ZNF487: variants seen among roughly 807,000 people sequenced by gnomAD.
The protein encoded by ZNF487 is zinc finger protein 487.
Under a neutral mutation model 3.0 loss-of-function variants are expected in ZNF487, and 4 were observed. The ratio of observed to expected loss-of-function variants is 1.35; its 90% CI spans 0.66 to 3.08. The LOEUF (loss-of-function observed/expected upper bound fraction) is 3.08. Ranked by LOEUF, ZNF487 falls within the 30% of genes most tolerant of loss-of-function variation. The pLI, the probability that ZNF487 is intolerant of heterozygous loss-of-function variation, is 0.01. For missense variants in ZNF487, 146 were observed against 98.7 expected (o/e 1.48, Z -2.03); for synonymous variants, 55 against 34.6 (o/e 1.59, Z -2.06).
chr10:43,502,153 C>A, the ZNF487 span, among the ~76,000 whole-genome samples: 1,276 of 152,250 alleles, frequency 8.4e-3, 7 homozygotes, highest in Middle Eastern at 0.024. Context: ...CAATGATAGA[C>A]TGGATTAAGA....
At chr10:43,509,653 C>T in the ZNF487 span, among the ~76,000 whole-genome samples, 7 of 151,872 alleles carry the variant, frequency 4.6e-5, 1 homozygote, top group South Asian at 8.3e-4. Context: ...AAGATGTAGG[C>T]GGGGAGGCTA....
chr10:43,485,139 T>C (rs1841461479), downstream of ZNF487, among the ~76,000 whole-genome samples: 1 of 152,342 alleles, frequency 6.6e-6, no homozygotes, highest in East Asian at 1.9e-4. Context: ...CTTCACATTT[T>C]TCCAAGATCA....
chr10:43,477,241 G>C (rs1841133670), intron 3 of ZNF487, among the ~76,000 whole-genome samples: 1 of 148,866 alleles, frequency 6.7e-6, no homozygotes, highest in Admixed American at 6.8e-5. Context: ...CAGTCTCACA[G>C]GCTAGAGTGC....
rs1218396374 is a variant in ZNF487, at chr10:43,464,370, TTTA to T, written c.-93-11339_-93-11337del. ...GCTAATTGTTTGTATTTTTATTTTATTTATTATTATTATTTTTTTTTATTGATC... is the reference window on the plus strand; with the variant it reads ...GCTAATTGTTTGTATTTTTATTTTATTTATTATTATTTTTTTTTATTGATC... On this transcript the variant is annotated intron_variant, in intron 1 of 3. Transcript: ENST00000437590. Among the ~76,000 whole-genome samples, 18 of 151,762 alleles carry T rather than the reference TTTA, an allele frequency of 1.2e-4. No individual in the cohort carries two copies. The East Asian group carries it at 1.5e-3, about 13-fold the overall frequency.
chr10:43,481,676 C>T lies in ZNF487; in HGVS notation c.378C>T (p.Asn126=). The T allele has an allele frequency of 1.4e-6, 1 of 700,820 alleles. No individual in the cohort carries two copies. The allele number at this position is 700,820 out of a possible 1,614,324, so 43.4% of individuals were successfully genotyped here. A position where few individuals can be genotyped will look rare whatever the true frequency, so the allele number is the denominator to read the frequency against. Residue 126 remains asparagine, a synonymous_variant, in exon 4 of 4, where the codon AAC becomes AAT. Transcript: ENST00000437590. ...GTAATAGAAGCTCCTTTGTAAGGAA[C>T]CCTGCTGAGTGTAATGTACGTGGGA... The part of the protein sequence containing the change: ...IISNRSSFVR[N]PAECNVRGKF...
rs767922097 is a variant in ZNF487, at chr10:43,482,660, CTA to C, written c.*740_*741del. The stretch of plus-strand genomic sequence containing the variant: ...AGAGAATACATACTGGCGAGAAACC[CTA>C]TGAGTGTAAGGAATGTGGGAAAACT... On this transcript the variant is annotated 3_prime_UTR_variant, in exon 4 of 4. Coordinates refer to ENST00000437590, the MANE Select transcript of ZNF487 (RefSeq NM_001355444.3). 2 of 490,140 alleles carry C rather than the reference CTA, an allele frequency of 4.1e-6. No homozygotes were observed. The highest frequency in any genetic ancestry group is 8.3e-6 in the Non-Finnish European group (2 of 239,750). 30.4% of individuals were successfully genotyped at this position (490,140 alleles called of 1,614,324 possible). A position where few individuals can be genotyped will look rare whatever the true frequency, so the allele number is the denominator to read the frequency against.
intron 1 of ZNF487, among the ~76,000 whole-genome samples, chr10:43,462,847 G>A (rs1014538388): frequency 6.6e-6 from 1 of 151,112 alleles, no homozygotes; most frequent in African/African-American, 2.4e-5. Flanking sequence ...TTAGCTCATT[G>A]TAACCTTGAA....
At chr10:43,458,165 T>A (rs1008068620) in intron 1 of ZNF487, 1 of 152,216 alleles carries the variant, frequency 6.6e-6, no homozygotes, top group African/African-American at 2.4e-5. Context: ...TTAGAAAGTT[T>A]ATTTTGCCAA....
chr10:43,436,895 G>C (rs556201579), upstream of ZNF487: 3 of 469,438 alleles, frequency 6.4e-6, no homozygotes. Context: ...CGCTTTCGTG[G>C]GGAAGCCGGA....
At chr10:43,466,934 T>C (rs1840727389) in intron 1 of ZNF487, among the ~76,000 whole-genome samples, 1 of 151,998 alleles carries the variant, frequency 6.6e-6, no homozygotes, top group South Asian at 2.1e-4. Flanking sequence ...AATGGCGTGA[T>C]CTTGGCTCAC....
At chr10:43,447,306 G>A (rs1354072543) in intron 1 of ZNF487, among the ~76,000 whole-genome samples, 3 of 151,806 alleles carry the variant, frequency 2.0e-5, no homozygotes, top group Admixed American at 6.6e-5. Flanking sequence ...GCAGTGGCAC[G>A]ATCTTAGCTC....
the ZNF487 span, among the ~76,000 whole-genome samples, chr10:43,494,625 G>C: frequency 6.6e-6 from 1 of 151,932 alleles, no homozygotes; most frequent in Non-Finnish European, 1.5e-5. Flanking sequence ...GTGGGTTCGA[G>C]ATATACCTTA....
chr10:43,507,421 A>G, the ZNF487 span, among the ~76,000 whole-genome samples: 1 of 152,170 alleles, frequency 6.6e-6, no homozygotes, highest in Non-Finnish European at 1.5e-5. Flanking sequence ...GGCAAGAGTA[A>G]TGGCCTTGCC....
chr10:43,520,482 G>T, the ZNF487 span, among the ~76,000 whole-genome samples: 1 of 152,168 alleles, frequency 6.6e-6, no homozygotes, highest in East Asian at 1.9e-4. Flanking sequence ...ACTAGTATGT[G>T]TCCACTGATT....
intron 1 of ZNF487, among the ~76,000 whole-genome samples, chr10:43,466,948 A>G (rs1840727615): frequency 6.6e-6 from 1 of 151,754 alleles, no homozygotes; most frequent in African/African-American, 2.4e-5. Flanking sequence ...GGCTCACTGC[A>G]ACCTCCACCT....
intron 1 of ZNF487, among the ~76,000 whole-genome samples, chr10:43,472,699 A>G (rs1047016270): frequency 5.3e-5 from 8 of 152,084 alleles, no homozygotes; most frequent in Non-Finnish European, 8.8e-5. Flanking sequence ...CCTCTTGATC[A>G]CTATGCTCCA....
intron 1 of ZNF487, among the ~76,000 whole-genome samples, chr10:43,474,504 G>A (rs1392479784): frequency 6.6e-6 from 1 of 152,128 alleles, no homozygotes; most frequent in African/African-American, 2.4e-5. Flanking sequence ...ATTTGAGGCT[G>A]TAGTGTGCAA....
chr10:43,498,099 A>ATATATATATATTTTTTT, the ZNF487 span, among the ~76,000 whole-genome samples: 1 of 20,188 alleles, frequency 5.0e-5, no homozygotes, highest in African/African-American at 3.2e-4. Flanking sequence ...ATATATATAT[A>ATATATATATATTTTTTT]TTTTTTTTTT....
At chr10:43,446,336 C>T (rs996009327) in intron 1 of ZNF487, among the ~76,000 whole-genome samples, 13 of 149,244 alleles carry the variant, frequency 8.7e-5, no homozygotes, top group African/African-American at 2.2e-4. Flanking sequence ...GGTGGCCGGG[C>T]GGAGACTCTC....
Sources: gnomAD v4.1 joint callset for allele counts (sites outside exome capture counted in the v4.1 genomes callset) on GRCh38, gnomAD v4.1.1 for gene constraint, MANE v1.5 for transcripts, NCBI Gene and HGNC (gene_info 2026-07-23, HGNC 2026-07-21) for gene names.